Variants in DGKB observed in about 807,000 individuals in gnomAD.
DGKB encodes the protein diacylglycerol kinase beta.
DGKB carries 67 observed loss-of-function variants against 114.3 expected under a neutral mutation model. That is an observed-to-expected ratio of 0.59 (90% CI 0.48 to 0.72). DGKB has a LOEUF of 0.72. Among genes scored for constraint, DGKB ranks in the 30% least tolerant of loss-of-function variants. The pLI is 0.00. For synonymous variants in DGKB, 398 were observed against 323.1 expected (o/e 1.23, Z -2.49); for missense variants, 907 against 975.2 (o/e 0.93, Z 0.93).
At chr7:14,568,863 G>A (rs1026258635) in intron 20 of DGKB, among the ~76,000 whole-genome samples, 3 of 152,146 alleles carry the variant, frequency 2.0e-5, no homozygotes, top group African/African-American at 7.2e-5. Flanking sequence ...ACAATACTGA[G>A]ATTAGAATCA....
intron 23 of DGKB, among the ~76,000 whole-genome samples, chr7:14,221,873 A>G (rs1790033469): frequency 6.6e-6 from 1 of 151,274 alleles, no homozygotes; most frequent in Non-Finnish European, 1.5e-5. Flanking sequence ...TTTCTTCTTG[A>G]GTCAGTTTCA....
intron 23 of DGKB, among the ~76,000 whole-genome samples, chr7:14,306,677 A>C (rs1385163517): frequency 6.6e-6 from 1 of 152,092 alleles, no homozygotes; most frequent in East Asian, 1.9e-4. Context: ...AAGAGGCGTA[A>C]TGTTGTGCTG....
intron 1 of DGKB, among the ~76,000 whole-genome samples, chr7:14,862,693 T>C (rs1007483585): frequency 2.0e-5 from 3 of 152,116 alleles, no homozygotes; most frequent in Non-Finnish European, 4.4e-5. Context: ...GTTTTTTGCT[T>C]GTACTTAAAA....
intron 21 of DGKB, among the ~76,000 whole-genome samples, chr7:14,471,947 TG>T (rs756845257): frequency 2.6e-5 from 4 of 152,152 alleles, no homozygotes; most frequent in Non-Finnish European, 5.9e-5. Context: ...ACCAGGGGGC[TG>T]AGAACCTATC....
chr7:14,329,635 C>A (rs1809365104), intron 23 of DGKB, among the ~76,000 whole-genome samples: 1 of 151,898 alleles, frequency 6.6e-6, no homozygotes, highest in Non-Finnish European at 1.5e-5. Flanking sequence ...TGTCAGATAT[C>A]CTGATGATAG....
intron 23 of DGKB, among the ~76,000 whole-genome samples, chr7:14,295,658 A>C (rs919599104): frequency 7.2e-5 from 11 of 152,062 alleles, no homozygotes; most frequent in African/African-American, 2.4e-4. Context: ...CCAGTAAATA[A>C]ATATGCCAAC....
intron 23 of DGKB, among the ~76,000 whole-genome samples, chr7:14,293,193 A>C (rs1320819770): frequency 6.6e-6 from 1 of 152,186 alleles, no homozygotes; most frequent in Non-Finnish European, 1.5e-5. Flanking sequence ...TTATTGAATA[A>C]TTTGGGAATA....
chr7:14,973,880 C>G (rs1018430594), intron 1 of DGKB, among the ~76,000 whole-genome samples: 21 of 147,418 alleles, frequency 1.4e-4, no homozygotes, highest in African/African-American at 5.2e-4. Context: ...ATTTAAGATA[C>G]TTAAATTTAT....
intron 20 of DGKB, among the ~76,000 whole-genome samples, chr7:14,508,512 T>G (rs1398089563): frequency 6.6e-6 from 1 of 152,206 alleles, no homozygotes; most frequent in Admixed American, 6.5e-5. Flanking sequence ...GAAAACATTT[T>G]ATTGAGAAAA....
intron 21 of DGKB, among the ~76,000 whole-genome samples, chr7:14,454,985 A>C (rs1832064361): frequency 6.6e-6 from 1 of 152,072 alleles, no homozygotes; most frequent in South Asian, 2.1e-4. Flanking sequence ...GCAGAAGTAG[A>C]ATTCAGACAC....
At chr7:14,945,718 A>T (rs1362613552) in intron 1 of DGKB, among the ~76,000 whole-genome samples, 3 of 151,744 alleles carry the variant, frequency 2.0e-5, no homozygotes, top group African/African-American at 4.8e-5. Flanking sequence ...ATAACTTTTT[A>T]AAATGAAGAT....
intron 21 of DGKB, among the ~76,000 whole-genome samples, chr7:14,418,497 A>G (rs1826148344): frequency 6.6e-6 from 1 of 151,194 alleles, no homozygotes; most frequent in Admixed American, 6.6e-5. Context: ...TACAAAGTGA[A>G]CCATAGTGTC....
intron 20 of DGKB, among the ~76,000 whole-genome samples, chr7:14,521,103 G>C (rs893433075): frequency 5.9e-5 from 9 of 152,054 alleles, no homozygotes; most frequent in African/African-American, 2.2e-4. Flanking sequence ...TATGTAAAGA[G>C]TTATTTTTAT....
Position 14,682,659 on chromosome 7 carries a change from T to C in DGKB, c.929A>G (p.His310Arg), listed in dbSNP as rs1821031904. 3 of 1,613,022 alleles carry C rather than the reference T, an allele frequency of 1.9e-6. No individual in the cohort carries two copies. The highest frequency in any genetic ancestry group is 2.5e-6 in the Non-Finnish European group (3 of 1,179,260). ...TGGGCAGTTACCTTCAACCCAGTAA[T>C]GGTGCATGACCTAGAACAGAATGAC... is the stretch of plus-strand genomic sequence containing the variant. ...KSKRNTDVMH[H>R]YWVEGNCPTK... The change falls in exon 12 of 26, where the codon CAT (histidine) becomes CGT (arginine). Residue 310 changes from histidine (H) to arginine (R), a missense_variant. Around this residue, in one of 3 missense-constraint regions of DGKB, gnomAD observed 814 missense variants for 856.6 expected, o/e 0.95. Transcript: ENST00000402815.
chr7:14,472,975 G>A (rs577665475), intron 21 of DGKB, among the ~76,000 whole-genome samples: 32 of 152,166 alleles, frequency 2.1e-4, no homozygotes, highest in African/African-American at 5.1e-4. Flanking sequence ...ATAAAAGTTC[G>A]GAAAATTTGC....
In DGKB at chr7:14,704,573, C is replaced by G. The variant is rs188954786; in HGVS notation, c.467-2843G>C. Among the ~76,000 whole-genome samples the G allele has an allele frequency of 6.5e-4, 99 of 152,004 alleles. 1 individual carries two copies. In the East Asian group the frequency reaches 0.019, roughly 29 times the overall value. On this transcript the variant is annotated intron_variant, in intron 6 of 25. Coordinates refer to ENST00000402815, the MANE Select transcript of DGKB (RefSeq NM_001350709.2). ...AGACGGGTGATTTCTGCATTTCCAT[C>G]TGAGCTTTGAAGGGAGCAGTGGTTC...
chr7:14,201,342 G>A (rs1282813961), intron 23 of DGKB, among the ~76,000 whole-genome samples: 1 of 151,888 alleles, frequency 6.6e-6, no homozygotes, highest in East Asian at 1.9e-4. Context: ...ATGAATTTTG[G>A]GCAGACACAA....
intron 21 of DGKB, among the ~76,000 whole-genome samples, chr7:14,391,599 T>C (rs1821328943): frequency 6.6e-6 from 1 of 151,952 alleles, no homozygotes; most frequent in African/African-American, 2.4e-5. Flanking sequence ...CTCAGGAAGC[T>C]GAGGTGAGAG....
chr7:14,389,491 C>A (rs1025552805), intron 21 of DGKB, among the ~76,000 whole-genome samples: 3 of 152,146 alleles, frequency 2.0e-5, no homozygotes, highest in Non-Finnish European at 4.4e-5. Context: ...CGGCTCACAG[C>A]GAGCCATGGT....
Sources: gnomAD v4.1 joint callset for allele counts (sites outside exome capture counted in the v4.1 genomes callset) on GRCh38, gnomAD v4.1.1 for gene constraint, gnomAD v4.1.1 regional missense constraint, MANE v1.5 for transcripts, NCBI Gene and HGNC (gene_info 2026-07-23, HGNC 2026-07-21) for gene names.